Variants in DMC1 observed in about 807,000 individuals in gnomAD.
The protein encoded by DMC1 is DNA meiotic recombinase 1, also known as meiotic recombination protein DMC1 homolog.
Under a neutral mutation model 50.1 loss-of-function variants are expected in DMC1, and 27 were observed. The observed-to-expected ratio is 0.54, with a 90% confidence interval of 0.40 to 0.74. The LOEUF (loss-of-function observed/expected upper bound fraction) is 0.74. Ranked by LOEUF, DMC1 falls within the 30% of genes least tolerant of loss-of-function variation. The pLI, the probability that DMC1 is intolerant of heterozygous loss-of-function variation, is 0.00. For synonymous variants in DMC1, 148 were observed against 136.1 expected, an observed-to-expected ratio of 1.09 and a Z score of -0.61; for missense variants, 295 against 420.2, an observed-to-expected ratio of 0.70 and a Z score of 2.60.
At chr22:38,543,859 C>T (rs765170358) in intron 8 of DMC1, among the ~76,000 whole-genome samples, 14 of 152,102 alleles carry the variant, frequency 9.2e-5, no homozygotes, top group African/African-American at 3.1e-4. Context: ...TCCACCACTC[C>T]GACTCATAAC....
At chr22:38,532,690 G>A (rs2090166291) in intron 12 of DMC1, among the ~76,000 whole-genome samples, 1 of 151,782 alleles carries the variant, frequency 6.6e-6, no homozygotes, top group South Asian at 2.1e-4. Context: ...TGCAAACATG[G>A]CTCACTGCAG....
Position 38,519,577 on chromosome 22 carries a change from T to TA in DMC1, c.*442dup, listed in dbSNP as rs2090001542. 1 of 200,630 alleles carries TA rather than the reference T, an allele frequency of 5.0e-6. No homozygotes were observed. The highest frequency in any genetic ancestry group is 2.3e-5 in the African/African-American group (1 of 42,716). 12.4% of individuals were successfully genotyped at this position (200,630 alleles called of 1,614,324 possible). On this transcript the variant is annotated 3_prime_UTR_variant, in exon 14 of 14. Transcript: ENST00000216024. ...TATGTAAGTCAGTGGCACTATACCC[T>TA]AGAAAAATGGTGAAGGGAAAGTCCT...
At chr22:38,550,736 G>C (rs1332704898) in intron 7 of DMC1, among the ~76,000 whole-genome samples, 1 of 150,948 alleles carries the variant, frequency 6.6e-6, no homozygotes, top group East Asian at 2.0e-4. Context: ...TTCAAGACCA[G>C]CATGACCAAC....
intron 8 of DMC1, among the ~76,000 whole-genome samples, chr22:38,547,614 C>T (rs548843652): frequency 6.6e-6 from 1 of 152,062 alleles, no homozygotes; most frequent in East Asian, 1.9e-4. Context: ...GATCTCGGCT[C>T]ACCGCAACCT....
At chr22:38,541,114 G>A (rs957858824) in intron 8 of DMC1, among the ~76,000 whole-genome samples, 6 of 151,846 alleles carry the variant, frequency 4.0e-5, no homozygotes, top group Non-Finnish European at 7.4e-5. Context: ...AGTTATTGGG[G>A]GTCTGAAGGA....
At chr22:38,528,195 G>A (rs1196591418) in intron 12 of DMC1, among the ~76,000 whole-genome samples, 4 of 151,568 alleles carry the variant, frequency 2.6e-5, no homozygotes, top group Non-Finnish European at 4.4e-5. Flanking sequence ...CCGAGTAGCT[G>A]GGATTACAGG....
chr22:38,537,926 C>T (rs1025643065), intron 11 of DMC1, among the ~76,000 whole-genome samples: 6 of 152,158 alleles, frequency 3.9e-5, no homozygotes, highest in African/African-American at 7.2e-5. Context: ...GGACAGATCA[C>T]GAGGTCAGGA....
At chr22:38,515,374 G>T (rs557333607), downstream of DMC1, among the ~76,000 whole-genome samples, 5 of 151,532 alleles carry the variant, frequency 3.3e-5, no homozygotes, top group African/African-American at 1.2e-4. Flanking sequence ...CAGCTACTTG[G>T]GAGGCTGAAG....
chr22:38,510,951 A>G, the DMC1 span, among the ~76,000 whole-genome samples: 2 of 152,176 alleles, frequency 1.3e-5, no homozygotes, highest in African/African-American at 2.4e-5. Context: ...ACACTCCTCA[A>G]CCAGCTCTTC....
chr22:38,540,450 T>C (rs2090268136), intron 8 of DMC1, among the ~76,000 whole-genome samples: 2 of 152,210 alleles, frequency 1.3e-5, no homozygotes, highest in South Asian at 4.1e-4. Flanking sequence ...ACCTATAAAC[T>C]ATAAAGGAGT....
chr22:38,529,079 C>T (rs1411534994), intron 12 of DMC1, among the ~76,000 whole-genome samples: 1 of 151,944 alleles, frequency 6.6e-6, no homozygotes, highest in South Asian at 2.1e-4. Context: ...GGCACCATCT[C>T]GGCTCACCAC....
At chr22:38,562,446 T>C in intron 4 of DMC1, 77 bp from the exon 5 acceptor site, 1 of 951,334 alleles carries the variant, frequency 1.1e-6, no homozygotes, top group Non-Finnish European at 1.7e-6. Context: ...CCCAAAATGA[T>C]ATACTCAGTT....
chr22:38,567,200 C>T (rs2090588961), intron 3 of DMC1, among the ~76,000 whole-genome samples: 1 of 152,080 alleles, frequency 6.6e-6, no homozygotes, highest in South Asian at 2.1e-4. Context: ...TTTCTAAAAC[C>T]ACTGAAAGAG....
intron 4 of DMC1, among the ~76,000 whole-genome samples, chr22:38,562,840 C>A (rs9607552): frequency 6.6e-6 from 1 of 151,764 alleles, no homozygotes; most frequent in Non-Finnish European, 1.5e-5. Flanking sequence ...TACATATACA[C>A]ATATATATAC....
intron 12 of DMC1, among the ~76,000 whole-genome samples, chr22:38,533,010 CT>C (rs2090170022): frequency 6.6e-6 from 1 of 152,138 alleles, no homozygotes; most frequent in South Asian, 2.1e-4. Flanking sequence ...ATGATTTCCC[CT>C]GCTCAATCTT....
intron 9 of DMC1, 128 bp from the exon 10 acceptor site, chr22:38,538,740 T>A: frequency 1.2e-6 from 1 of 868,658 alleles, no homozygotes; most frequent in Non-Finnish European, 1.9e-6. Flanking sequence ...ATGACTTTAT[T>A]AAATATTATT....
At chr22:38,512,411 AT>A in the DMC1 span, among the ~76,000 whole-genome samples, 1 of 152,212 alleles carries the variant, frequency 6.6e-6, no homozygotes, top group Non-Finnish European at 1.5e-5. Context: ...TGCGGGCCTG[AT>A]GACAAAGTGG....
At chr22:38,512,173 C>T in the DMC1 span, among the ~76,000 whole-genome samples, 1 of 152,078 alleles carries the variant, frequency 6.6e-6, no homozygotes, top group Non-Finnish European at 1.5e-5. Context: ...TGAGATTTCA[C>T]CAGGTTGGCC....
intron 8 of DMC1, among the ~76,000 whole-genome samples, chr22:38,542,980 C>T (rs1013851469): frequency 1.3e-5 from 2 of 152,160 alleles, no homozygotes; most frequent in Non-Finnish European, 2.9e-5. Context: ...GTAAATGGTG[C>T]TGGGAAAATG....
Sources: allele counts gnomAD v4.1 joint callset (sites outside exome capture counted in the v4.1 genomes callset), GRCh38; gene constraint gnomAD v4.1.1; transcripts MANE v1.5; gene names NCBI Gene and HGNC (gene_info 2026-07-23, HGNC 2026-07-21).